CACNA1C: variants seen among roughly 807,000 people sequenced by gnomAD.
The protein encoded by CACNA1C is calcium voltage-gated channel subunit alpha1 C, also known as voltage-dependent L-type calcium channel subunit alpha-1C.
Under a neutral mutation model 229.0 loss-of-function variants are expected in CACNA1C, and 30 were observed. The observed-to-expected ratio is 0.13, with a 90% CI of 0.10 to 0.18. CACNA1C has a LOEUF of 0.18. Among genes scored for constraint, CACNA1C ranks in the 10% least tolerant of loss-of-function variants. The pLI, the probability that CACNA1C is intolerant of heterozygous loss-of-function variation, is 1.00. For missense variants in CACNA1C, 1,658 were observed against 2,845.0 expected, an observed-to-expected ratio of 0.58 and a Z score of 9.49; for synonymous variants, 1,114 against 1,132.5, an observed-to-expected ratio of 0.98 and a Z score of 0.33.
chr12:2,373,898 C>T (rs189275437), intron 3 of CACNA1C, among the ~76,000 whole-genome samples: 20 of 152,310 alleles, frequency 1.3e-4, no homozygotes, highest in African/African-American at 3.6e-4. Context: ...GCATGACGAA[C>T]TTTGTTATGC....
chr12:2,241,410 T>C (rs1053598955), intron 3 of CACNA1C, among the ~76,000 whole-genome samples: 2 of 152,102 alleles, frequency 1.3e-5, no homozygotes, highest in Non-Finnish European at 2.9e-5. Context: ...TGCCATGTTT[T>C]TTATGCCTCC....
intron 3 of CACNA1C, among the ~76,000 whole-genome samples, chr12:2,315,737 G>A (rs574020876): frequency 3.3e-5 from 5 of 152,332 alleles, no homozygotes; most frequent in Non-Finnish European, 7.3e-5. Flanking sequence ...TTTTAGGTGC[G>A]TGTGTACAAT....
chr12:2,105,145 T>C (rs1231444020), intron 1 of CACNA1C, among the ~76,000 whole-genome samples: 1 of 152,204 alleles, frequency 6.6e-6, no homozygotes, highest in East Asian at 1.9e-4. Flanking sequence ...AGAGAGCAAG[T>C]GTGGTTTACT....
intron 21 of CACNA1C, among the ~76,000 whole-genome samples, chr12:2,598,332 A>G (rs931708117): frequency 2.0e-5 from 3 of 152,186 alleles, no homozygotes; most frequent in African/African-American, 7.2e-5. Context: ...GGCAGAGCCC[A>G]CCTCAGGGCA....
intron 1 of CACNA1C, among the ~76,000 whole-genome samples, chr12:2,070,592 G>C (rs978234516): frequency 6.6e-6 from 1 of 152,178 alleles, no homozygotes; most frequent in African/African-American, 2.4e-5. Context: ...GCAGTTTAAA[G>C]ATATTCCATT....
chr12:2,061,545 GCTGGCA>G (rs2057500400), intron 1 of CACNA1C, among the ~76,000 whole-genome samples: 1 of 44,044 alleles, frequency 2.3e-5, no homozygotes, highest in African/African-American at 3.4e-4. Flanking sequence ...CATGTGCACT[GCTGGCA>G]CTGCTGCTGT....
At chr12:2,322,785 C>T (rs1387615804) in intron 3 of CACNA1C, among the ~76,000 whole-genome samples, 1 of 152,224 alleles carries the variant, frequency 6.6e-6, no homozygotes, top group Non-Finnish European at 1.5e-5. Flanking sequence ...TATCCCATAG[C>T]CTGTTGCATG....
rs887828880 is a variant in CACNA1C, at chr12:2,540,662, G to GA, written c.1391-9279dup. Among the ~76,000 whole-genome samples the GA allele has an allele frequency of 7.9e-5, 12 of 152,276 alleles. No individual in the cohort carries two copies. In the Middle Eastern group the frequency reaches 0.01, roughly 129 times the overall value. On this transcript the variant is annotated intron_variant, in intron 9 of 46. Coordinates refer to ENST00000399655, the MANE Select transcript of CACNA1C (RefSeq NM_000719.7). ...GCAGGCTGCAGTTCGCTGACCCCTG[G>GA]AATACGTGCAGGAGGTGGACAGGCA...
At chr12:2,584,362 G>T in intron 15 of CACNA1C, 141 bp from the exon 16 acceptor site, 1 of 630,046 alleles carries the variant, frequency 1.6e-6, no homozygotes, top group Non-Finnish European at 2.9e-6. Context: ...ACACTGTTGG[G>T]GTCTGACTCC....
At position 2,008,611 on chromosome 12, in the gene CACNA1C, A is replaced by G. The variant is rs534848851; in HGVS notation, c.139+37410A>G. ...GCATTTTTTAAAGAGCTCATGATTT[A>G]TAAAATAATGAAATCCAAGTTGGGA... On this transcript the variant is annotated intron_variant, in intron 1 of 46. Coordinates refer to the CACNA1C transcript ENST00000682462. Among the ~76,000 whole-genome samples the G allele has an allele frequency of 1.4e-4, 21 of 152,338 alleles. 1 individual carries two copies. The South Asian group carries it at 1.9e-3, about 14-fold the overall frequency.
At chr12:2,323,021 T>TCTTGTCCTCTCC (rs922692526) in intron 3 of CACNA1C, among the ~76,000 whole-genome samples, 1 of 152,158 alleles carries the variant, frequency 6.6e-6, no homozygotes, top group Non-Finnish European at 1.5e-5. Context: ...AGTTCTTCTT[T>TCTTGTCCTCTCC]CTTGTCCTCT....
intron 3 of CACNA1C, among the ~76,000 whole-genome samples, chr12:2,298,064 G>A (rs906202156): frequency 1.3e-5 from 2 of 152,214 alleles, no homozygotes; most frequent in Non-Finnish European, 2.9e-5. Flanking sequence ...GGCAAGGGCT[G>A]TGGAGTCCGA....
intron 3 of CACNA1C, among the ~76,000 whole-genome samples, chr12:2,445,173 C>A (rs1280177329): frequency 6.6e-6 from 1 of 152,208 alleles, no homozygotes; most frequent in Non-Finnish European, 1.5e-5. Flanking sequence ...CTACCCCCAG[C>A]ACCTAACCTT....
intron 1 of CACNA1C, among the ~76,000 whole-genome samples, chr12:2,044,210 C>T (rs999379145): frequency 5.3e-5 from 8 of 152,156 alleles, no homozygotes; most frequent in African/African-American, 9.7e-5. Flanking sequence ...ATGACTTTGA[C>T]TGAAGGAAGA....
At chr12:2,350,716 T>G (rs915816825) in intron 3 of CACNA1C, among the ~76,000 whole-genome samples, 1 of 152,226 alleles carries the variant, frequency 6.6e-6, no homozygotes, top group African/African-American at 2.4e-5. Flanking sequence ...TTGGCCTGAA[T>G]GGAGTCCTCT....
Position 2,163,469 on chromosome 12 carries a change from T to C in CACNA1C, c.477+43039T>C, listed in dbSNP as rs1441384073. Among the ~76,000 whole-genome samples, 6 of 152,274 alleles carry C rather than the reference T, an allele frequency of 3.9e-5. No individual in the cohort carries two copies. The East Asian group carries it at 1.2e-3, about 29-fold the overall frequency. On this transcript the variant is annotated intron_variant, in intron 3 of 46. Transcript: ENST00000399655. ...TTTTTTCTGTCATCTGTGATGCTTC[T>C]TCCACCCTGCTATTGATAGCCTAGG...
chr12:2,601,415 A>G lies in CACNA1C; in HGVS notation c.2854-439A>G, dbSNP rs1055886606. 6.6e-6 allele frequency among the ~76,000 whole-genome samples: 1 copy of G among 151,840 alleles called. No homozygotes were observed. Among genetic ancestry groups the G allele is most frequent in the Non-Finnish European group, 1.5e-5 (1 of 67,924 alleles). On this transcript the variant is annotated intron_variant, in intron 21 of 46. Coordinates refer to ENST00000399655, the MANE Select transcript of CACNA1C (RefSeq NM_000719.7). This position sits in a 1 kb window ranked among gnomAD's most constrained non-coding sequence, Gnocchi z 5.9. Reference sequence around the variant, plus strand: ...CCCCCAACCCACCCACTCACGGCAGATGTCTGGTGCTCTCAGCTGGCCTAA... The same window carrying G: ...CCCCCAACCCACCCACTCACGGCAGGTGTCTGGTGCTCTCAGCTGGCCTAA...
chr12:2,232,893 G>A (rs1172880592), intron 3 of CACNA1C, among the ~76,000 whole-genome samples: 3 of 152,130 alleles, frequency 2.0e-5, no homozygotes, highest in Non-Finnish European at 4.4e-5. Flanking sequence ...GCCATTGGGA[G>A]CGCTTTCTGG....
chr12:2,504,420 T>G lies in CACNA1C; in HGVS notation c.1114-422T>G, dbSNP rs780604576. On this transcript the variant is annotated intron_variant, in intron 7 of 46. Coordinates refer to ENST00000399655, the MANE Select transcript of CACNA1C (RefSeq NM_000719.7). The surrounding 1 kb of genome is among the most constrained non-coding windows in gnomAD (Gnocchi z 6.8). Reference sequence around the variant, plus strand: ...AATTCTGCTTCTTCTTTCCTAACTTTCCTTCGTCTTTCCAGATGCAGGACG... The same window carrying G: ...AATTCTGCTTCTTCTTTCCTAACTTGCCTTCGTCTTTCCAGATGCAGGACG... 2 of 1,475,162 alleles carry G rather than the reference T, an allele frequency of 1.4e-6. No individual in the cohort carries two copies. Among genetic ancestry groups the G allele is most frequent in the African/African-American group, 2.8e-5 (2 of 71,988 alleles). 91.4% of individuals were successfully genotyped at this position (1,475,162 alleles called of 1,614,324 possible). A position where few individuals can be genotyped will look rare whatever the true frequency, so the allele number is the denominator to read the frequency against.
Sources: gnomAD v4.1 joint callset for allele counts (sites outside exome capture counted in the v4.1 genomes callset) on GRCh38, gnomAD v4.1.1 for gene constraint, Gnocchi (gnomAD v3.1) non-coding constraint, MANE v1.5 for transcripts, NCBI Gene and HGNC (gene_info 2026-07-23, HGNC 2026-07-21) for gene names.